Variants in NRXN3 observed in about 807,000 individuals in gnomAD.
The protein encoded by NRXN3 is neurexin III.
In NRXN3, 32 loss-of-function variants were observed where a neutral mutation model predicts 137.6. The observed-to-expected ratio is 0.23, with a 90% confidence interval of 0.18 to 0.31. NRXN3 has a LOEUF of 0.31. Ranked by LOEUF, NRXN3 falls within the 10% of genes least tolerant of loss-of-function variation. The pLI is 1.00. For missense variants in NRXN3, 1,574 were observed against 2,062.5 expected, an observed-to-expected ratio of 0.76 and a Z score of 4.59; for synonymous variants, 798 against 784.5, an observed-to-expected ratio of 1.02 and a Z score of -0.29.
At chr14:79,115,266 G>A (rs1023603651) in intron 15 of NRXN3, among the ~76,000 whole-genome samples, 4 of 150,748 alleles carry the variant, frequency 2.7e-5, no homozygotes, top group South Asian at 2.1e-4. Context: ...CGGAGGCTGC[G>A]GTCAGCCGAG....
intron 7 of NRXN3, among the ~76,000 whole-genome samples, chr14:78,711,434 CTTTTTTTT>C (rs35251417): frequency 1.9e-4 from 19 of 99,040 alleles, no homozygotes; most frequent in African/African-American, 6.1e-4. Context: ...ATTCTTTTCT[CTTTTTTTT>C]TTTTTTTTTT....
chr14:78,753,160 T>C (rs936189572), intron 8 of NRXN3, among the ~76,000 whole-genome samples: 13 of 152,158 alleles, frequency 8.5e-5, no homozygotes, highest in Non-Finnish European at 1.5e-4. Flanking sequence ...ATGAATTGCC[T>C]CCAAATTCAA....
At chr14:79,797,833 C>T (rs1403240010) in intron 19 of NRXN3, among the ~76,000 whole-genome samples, 1 of 152,088 alleles carries the variant, frequency 6.6e-6, no homozygotes, top group African/African-American at 2.4e-5. Context: ...TGGCTCATGC[C>T]TGTAGTCCCA....
At chr14:79,425,724 G>T (rs558405316) in intron 15 of NRXN3, among the ~76,000 whole-genome samples, 2 of 152,174 alleles carry the variant, frequency 1.3e-5, no homozygotes, top group East Asian at 1.9e-4. Flanking sequence ...AAAACAAAAG[G>T]CTTTGAGACC....
intron 10 of NRXN3, among the ~76,000 whole-genome samples, chr14:78,811,301 A>G (rs1326889536): frequency 6.6e-6 from 1 of 152,162 alleles, no homozygotes; most frequent in African/African-American, 2.4e-5. Context: ...TAATTCAGGG[A>G]TCTAGGATCC....
intron 15 of NRXN3, among the ~76,000 whole-genome samples, chr14:79,450,066 A>G (rs1264632550): frequency 2.7e-5 from 4 of 149,906 alleles, no homozygotes; most frequent in African/African-American, 4.9e-5. Flanking sequence ...CTTGTCATGT[A>G]TACATATTCT....
intron 6 of NRXN3, among the ~76,000 whole-genome samples, chr14:78,671,007 A>T (rs1230787748): frequency 6.6e-6 from 1 of 152,226 alleles, no homozygotes; most frequent in East Asian, 1.9e-4. Flanking sequence ...ATTGAAATTG[A>T]TGAGATCAGT....
chr14:78,938,411 A>C (rs1259035450), intron 10 of NRXN3, among the ~76,000 whole-genome samples: 1 of 152,128 alleles, frequency 6.6e-6, no homozygotes, highest in Non-Finnish European at 1.5e-5. Context: ...TGCTGGCTTC[A>C]GTTTCTTAGA....
chr14:78,915,298 T>C (rs1307094298), intron 10 of NRXN3, among the ~76,000 whole-genome samples: 5 of 112,098 alleles, frequency 4.5e-5, no homozygotes, highest in African/African-American at 1.4e-4. Context: ...TTTATTACTA[T>C]ATAAATGAAT....
chr14:79,316,729 CCTCTCTCTCTCT>C (rs35515937), intron 15 of NRXN3, among the ~76,000 whole-genome samples: 16 of 138,014 alleles, frequency 1.2e-4, no homozygotes, highest in Admixed American at 3.6e-4. Context: ...CTGTCCTGTC[CCTCTCTCTCTCT>C]CTCTCTCTCT....
intron 4 of NRXN3, among the ~76,000 whole-genome samples, chr14:78,343,845 C>G (rs947004866): frequency 6.6e-6 from 1 of 152,184 alleles, no homozygotes; most frequent in Non-Finnish European, 1.5e-5. Flanking sequence ...GGGACCCCAG[C>G]ATCAATGTAT....
At chr14:79,242,844 C>G (rs1165766857) in intron 15 of NRXN3, among the ~76,000 whole-genome samples, 1 of 152,134 alleles carries the variant, frequency 6.6e-6, no homozygotes, top group Non-Finnish European at 1.5e-5. Flanking sequence ...TACATATGTT[C>G]TATGCTGAGG....
chr14:79,003,529 G>A (rs751740974), intron 15 of NRXN3, among the ~76,000 whole-genome samples: 27 of 152,134 alleles, frequency 1.8e-4, no homozygotes, highest in Non-Finnish European at 3.2e-4. Flanking sequence ...TGATACTGAT[G>A]TGCTTTAACA....
chr14:79,378,225 C>T (rs766907455), intron 15 of NRXN3, among the ~76,000 whole-genome samples: 14 of 152,050 alleles, frequency 9.2e-5, no homozygotes, highest in African/African-American at 9.7e-5. Context: ...GAGAAGTGGC[C>T]GGGCAAGTGT....
intron 15 of NRXN3, among the ~76,000 whole-genome samples, chr14:79,082,479 A>G (rs1172979169): frequency 6.6e-6 from 1 of 151,852 alleles, no homozygotes; most frequent in Non-Finnish European, 1.5e-5. Flanking sequence ...AGGAGTTCTC[A>G]GAATCATAGC....
intron 1 of NRXN3, among the ~76,000 whole-genome samples, chr14:78,227,358 A>AG (rs1211023282): frequency 6.6e-6 from 1 of 152,078 alleles, no homozygotes; most frequent in Non-Finnish European, 1.5e-5. Flanking sequence ...GAAAAAAAAA[A>AG]CACCTTATTT....
At chr14:79,010,042 A>G (rs1315193549) in intron 15 of NRXN3, among the ~76,000 whole-genome samples, 2 of 152,234 alleles carry the variant, frequency 1.3e-5, no homozygotes, top group East Asian at 1.9e-4. Context: ...TGATACATAC[A>G]TATCATTGAA....
intron 8 of NRXN3, among the ~76,000 whole-genome samples, chr14:78,796,030 A>G (rs1184385460): frequency 1.3e-5 from 2 of 152,220 alleles, no homozygotes; most frequent in Non-Finnish European, 2.9e-5. Context: ...GTTCAACCCC[A>G]GAAGAGGCAG....
In NRXN3 at chr14:78,709,368, T is replaced by C; in HGVS notation, c.1373T>C (p.Ile458Thr). ...AACTTTGAGACCCCAGAGGCTTACA[T>C]CAGCTTGCCCAAGTGGAACACTAAA... ...PINFETPEAYISLPKWNTKRM... is the reference protein window; with the variant it reads ...PINFETPEAYTSLPKWNTKRM... Residue 458 changes from isoleucine to threonine, a missense_variant, in exon 7 of 21, where the codon ATC (isoleucine) becomes ACC (threonine). Ile to Thr is a moderately conservative substitution (Grantham distance 89, BLOSUM62 -1). This residue lies in a region of NRXN3 where 718 missense variants were observed against 887.6 expected (regional missense o/e 0.81). Coordinates refer to ENST00000335750, the MANE Select transcript of NRXN3 (RefSeq NM_001330195.2). 6.2e-7 allele frequency: 1 copy of C among 1,614,098 alleles called. No individual in the cohort carries two copies. The highest frequency in any genetic ancestry group is 8.5e-7 in the Non-Finnish European group (1 of 1,179,994).
Sources: allele counts gnomAD v4.1 joint callset (sites outside exome capture counted in the v4.1 genomes callset), GRCh38; gene constraint gnomAD v4.1.1; regional missense constraint gnomAD v4.1.1; transcripts MANE v1.5; gene names NCBI Gene and HGNC (gene_info 2026-07-23, HGNC 2026-07-21).